The following CCDC126 variants were observed in gnomAD, a reference collection of about 807,000 sequenced individuals.
The protein encoded by CCDC126 is coiled-coil domain containing 126.
Under a neutral mutation model 11.7 loss-of-function variants are expected in CCDC126, and 5 were observed. The observed-to-expected ratio is 0.43, with a 90% CI of 0.22 to 0.90. CCDC126 has a LOEUF of 0.90. CCDC126 is among the 40% of genes least tolerant of loss of function. The pLI, the probability that CCDC126 is intolerant of heterozygous loss-of-function variation, is 0.27. For missense variants in CCDC126, 150 were observed against 163.1 expected (o/e 0.92, Z 0.44); for synonymous variants, 60 against 61.9 (o/e 0.97, Z 0.14).
chr7:23,620,779 T>C (rs867680692), intron 3 of CCDC126, among the ~76,000 whole-genome samples: 3 of 152,220 alleles, frequency 2.0e-5, no homozygotes, highest in Non-Finnish European at 4.4e-5. Flanking sequence ...AGGGATCCAG[T>C]TTCAGCTTTC....
At chr7:23,640,308 A>G (rs949811899) in intron 3 of CCDC126, among the ~76,000 whole-genome samples, 4 of 150,848 alleles carry the variant, frequency 2.7e-5, no homozygotes, top group East Asian at 3.9e-4. Flanking sequence ...GACCAGCCTG[A>G]CCAACATGGA....
chr7:23,597,647 C>G (rs1309152623), intron 1 of CCDC126, 42 bp downstream of exon 1: 11 of 152,596 alleles, frequency 7.2e-5, no homozygotes, highest in South Asian at 5.9e-4. Context: ...GCCCGCACCT[C>G]TCGCGCGCCC....
At chr7:23,632,315 G>A (rs1283440876) in intron 3 of CCDC126, among the ~76,000 whole-genome samples, 2 of 152,018 alleles carry the variant, frequency 1.3e-5, no homozygotes. Context: ...GGCTGGTCTT[G>A]GAACTCCTGA....
intron 2 of CCDC126, among the ~76,000 whole-genome samples, chr7:23,599,412 T>C (rs980188929): frequency 1.3e-5 from 2 of 152,080 alleles, no homozygotes; most frequent in African/African-American, 4.8e-5. Flanking sequence ...GCACAAAACA[T>C]GATTGGCCAC....
chr7:23,630,359 T>C (rs1022499686), intron 3 of CCDC126, among the ~76,000 whole-genome samples: 1 of 151,752 alleles, frequency 6.6e-6, no homozygotes, highest in African/African-American at 2.4e-5. Flanking sequence ...ATTAGCTGCT[T>C]GTGGTTGTGC....
At chr7:23,642,659 A>G (rs1265565517) in intron 3 of CCDC126, among the ~76,000 whole-genome samples, 1 of 151,714 alleles carries the variant, frequency 6.6e-6, no homozygotes, top group East Asian at 1.9e-4. Flanking sequence ...GCTAATCAGG[A>G]GGCTGAGGCA....
chr7:23,608,642 G>A (rs1782657574), intron 2 of CCDC126, among the ~76,000 whole-genome samples: 1 of 152,162 alleles, frequency 6.6e-6, no homozygotes, highest in African/African-American at 2.4e-5. Flanking sequence ...GATAATGGCA[G>A]TTGTCAAGGG....
chr7:23,606,947 A>C (rs1782633997), intron 2 of CCDC126, among the ~76,000 whole-genome samples: 1 of 151,936 alleles, frequency 6.6e-6, no homozygotes, highest in South Asian at 2.1e-4. Context: ...AAAGTACAAA[A>C]ATTAGCTAGG....
chr7:23,620,972 G>A (rs1031366832), intron 3 of CCDC126, among the ~76,000 whole-genome samples: 9 of 152,176 alleles, frequency 5.9e-5, no homozygotes, highest in Non-Finnish European at 1.3e-4. Context: ...TGCTGTTTTG[G>A]TTACTGTAGC....
intron 3 of CCDC126, among the ~76,000 whole-genome samples, chr7:23,635,253 G>C (rs1240362391): frequency 6.6e-6 from 1 of 152,202 alleles, no homozygotes; most frequent in East Asian, 1.9e-4. Context: ...AGTGTCTACT[G>C]TGTGATGAAG....
At chr7:23,634,674 TTCA>T (rs1783176141) in intron 3 of CCDC126, among the ~76,000 whole-genome samples, 1 of 152,146 alleles carries the variant, frequency 6.6e-6, no homozygotes, top group African/African-American at 2.4e-5. Flanking sequence ...TCTGCCTGGG[TTCA>T]GCCAGTGGGA....
At chr7:23,619,578 A>T (rs113791988) in intron 3 of CCDC126, 3,668 of 223,970 alleles carry the variant, frequency 0.016, 109 homozygotes, top group African/African-American at 0.059. Flanking sequence ...TCTTTTTTTT[A>T]AGAAAAATAT....
At chr7:23,614,279 C>G (rs1388733099) in intron 3 of CCDC126, among the ~76,000 whole-genome samples, 1 of 152,196 alleles carries the variant, frequency 6.6e-6, no homozygotes, top group African/African-American at 2.4e-5. Context: ...TCCACAACAT[C>G]TTCACCAGTA....
chr7:23,643,973 T>C lies in CCDC126; in HGVS notation c.*858T>C, dbSNP rs1311513831. 4 of 152,120 alleles carry C rather than the reference T, an allele frequency of 2.6e-5. No homozygotes were observed. Among genetic ancestry groups the C allele is most frequent in the African/African-American group, 9.7e-5 (4 of 41,446 alleles). 9.4% of individuals were successfully genotyped at this position (152,120 alleles called of 1,614,324 possible). Reference sequence around the variant, plus strand: ...ATCAGGAAAGCACATTATTTCCATATTTGGGTTAATTTTGCTTTTATTATA... The same window carrying C: ...ATCAGGAAAGCACATTATTTCCATACTTGGGTTAATTTTGCTTTTATTATA... On this transcript the variant is annotated 3_prime_UTR_variant, in exon 4 of 4. Transcript: ENST00000307471.
At chr7:23,638,251 ATGGCGGTT>A in intron 3 of CCDC126, among the ~76,000 whole-genome samples, 1 of 151,930 alleles carries the variant, frequency 6.6e-6, no homozygotes, top group East Asian at 2.0e-4. Context: ...CATGATGACA[ATGGCGGTT>A]TTGTGGAATA....
At chr7:23,625,409 T>C (rs1782997711) in intron 3 of CCDC126, among the ~76,000 whole-genome samples, 1 of 152,204 alleles carries the variant, frequency 6.6e-6, no homozygotes, top group African/African-American at 2.4e-5. Context: ...TTTACATTCT[T>C]ACTATACCAC....
intron 3 of CCDC126, among the ~76,000 whole-genome samples, chr7:23,613,702 T>C (rs957270009): frequency 5.3e-5 from 8 of 152,206 alleles, no homozygotes; most frequent in Admixed American, 2.0e-4. Context: ...ATTATGACCA[T>C]GTTGATGGTA....
intron 3 of CCDC126, among the ~76,000 whole-genome samples, chr7:23,638,276 C>T (rs1438021757): frequency 6.6e-6 from 1 of 150,764 alleles, no homozygotes; most frequent in African/African-American, 2.4e-5. Context: ...AATAGAAAGG[C>T]GGGAAGGGTG....
At chr7:23,629,839 C>G (rs186019616) in intron 3 of CCDC126, among the ~76,000 whole-genome samples, 237 of 151,974 alleles carry the variant, frequency 1.6e-3, no homozygotes, top group African/African-American at 5.5e-3. Context: ...CCTCTGGGAC[C>G]ATAACTAAAA....
Sources: gnomAD v4.1 joint callset for allele counts (sites outside exome capture counted in the v4.1 genomes callset) on GRCh38, gnomAD v4.1.1 for gene constraint, MANE v1.5 for transcripts, NCBI Gene and HGNC (gene_info 2026-07-23, HGNC 2026-07-21) for gene names.